PHF10: variants seen among roughly 807,000 people sequenced by gnomAD.
PHF10 encodes PHD finger protein 10, also known as BRG1-associated factor 45a.
In PHF10, 51 loss-of-function variants were observed where a neutral mutation model predicts 68.5. That is an observed-to-expected ratio of 0.74 (90% CI 0.59 to 0.94). The LOEUF (loss-of-function observed/expected upper bound fraction) is 0.94. Among genes scored for constraint, PHF10 ranks in the 40% least tolerant of loss-of-function variants. The probability of loss-of-function intolerance (pLI) is 0.00; values close to 1 mark genes in which losing one functional copy is unlikely to be tolerated. For missense variants in PHF10, 460 were observed against 602.6 expected (o/e 0.76, Z 2.48); for synonymous variants, 204 against 203.5 (o/e 1.00, Z -0.02).
chr6:169,705,057 C>A, intron 11 of PHF10, 76 bp downstream of exon 11: 1 of 1,092,842 alleles, frequency 9.2e-7, no homozygotes, highest in South Asian at 1.7e-5. Flanking sequence ...GTCATGATAG[C>A]GTTTATGCAG....
chr6:169,719,072 T>C (rs997847452), intron 2 of PHF10, 154 bp from the exon 3 acceptor site: 4 of 548,354 alleles, frequency 7.3e-6, no homozygotes, highest in African/African-American at 5.7e-5. Flanking sequence ...ACAAAACAGG[T>C]ACAAGGAATA....
intron 7 of PHF10, among the ~76,000 whole-genome samples, chr6:169,713,469 G>A (rs1372049854): frequency 6.6e-6 from 1 of 151,676 alleles, no homozygotes; most frequent in African/African-American, 2.4e-5. Context: ...GCAAGGTGGC[G>A]GGCACCTGTA....
chr6:169,705,950 T>C (rs1047112312), intron 9 of PHF10, among the ~76,000 whole-genome samples: 7 of 152,170 alleles, frequency 4.6e-5, no homozygotes, highest in African/African-American at 1.4e-4. Context: ...CTCGTAAGAT[T>C]AAATGTAGCA....
Position 169,718,849 on chromosome 6 carries a change from A to G in PHF10, c.264T>C (p.Tyr88=), listed in dbSNP as rs557776005. 5.6e-6 allele frequency: 9 copies of G among 1,598,482 alleles called. No individual in the cohort carries two copies. The South Asian group carries it at 6.6e-5, about 12-fold the overall frequency. The stretch of plus-strand genomic sequence containing the variant: ...ATTCACTGACTTGTTCTTGAAGCAT[A>G]TAGTATTCTCCTGTTTCATCAGGTG... The part of the protein sequence containing the change: ...KWPPDETGEY[Y]MLQEQVSEYL... The change falls in exon 3 of 12, where the codon TAT becomes TAC. Residue 88 remains tyrosine, a synonymous_variant. Transcript: ENST00000339209.
chr6:169,712,310 G>A, intron 8 of PHF10, 76 bp downstream of exon 8: 1 of 1,198,020 alleles, frequency 8.3e-7, no homozygotes, highest in African/African-American at 1.5e-5. Flanking sequence ...TCAAGGAGAG[G>A]GTGATGACAG....
intron 8 of PHF10, 122 bp downstream of exon 8, chr6:169,712,264 G>T: frequency 2.3e-6 from 2 of 878,438 alleles, no homozygotes; most frequent in South Asian, 2.9e-5. Flanking sequence ...TTTTATTGAT[G>T]AATACTTTCT....
chr6:169,723,795 C>A (rs1231850082), intron 1 of PHF10, 50 bp downstream of exon 1: 3 of 611,406 alleles, frequency 4.9e-6, no homozygotes, highest in Non-Finnish European at 6.6e-6. Flanking sequence ...CGCCCCGGCA[C>A]CCAGGCCCGG....
At chr6:169,707,413 A>G (rs966834664) in intron 9 of PHF10, 2 of 152,232 alleles carry the variant, frequency 1.3e-5, no homozygotes, top group African/African-American at 4.8e-5. Context: ...CATAATATAC[A>G]GCAGAATGCT....
At chr6:169,711,205 T>A (rs1446705880) in intron 8 of PHF10, among the ~76,000 whole-genome samples, 1 of 152,162 alleles carries the variant, frequency 6.6e-6, no homozygotes, top group Admixed American at 6.5e-5. Flanking sequence ...TTTTTTAAAA[T>A]ACAAAACTGG....
Position 169,705,599 on chromosome 6 carries a change from GAC to G in PHF10, c.1222+15_1222+16del, listed in dbSNP as rs1479780066. 1.7e-6 allele frequency: 2 copies of G among 1,212,040 alleles called. No individual in the cohort carries two copies. The highest frequency in any genetic ancestry group is 3.0e-5 in the African/African-American group (2 of 67,030). 75.1% of individuals were successfully genotyped at this position (1,212,040 alleles called of 1,614,324 possible). On this transcript the variant is annotated intron_variant, in intron 10 of 11. Transcript: ENST00000339209. Reference sequence around the variant, plus strand: ...AATACGGTGGTTAAAATTTTAAAAAGACATTTCAATACTTACCACTATTCTCA... The same window carrying G: ...AATACGGTGGTTAAAATTTTAAAAAGATTTCAATACTTACCACTATTCTCA...
At chr6:169,720,903 T>C in intron 2 of PHF10, 102 bp downstream of exon 2, 1 of 637,308 alleles carries the variant, frequency 1.6e-6, no homozygotes. Context: ...TATTCTACAA[T>C]TTTTAATAAT....
chr6:169,705,215 GT>G lies in PHF10; in HGVS notation c.1328del (p.His443ProfsTer6). 1 of 1,613,724 alleles carries G rather than the reference GT, an allele frequency of 6.2e-7. No individual in the cohort carries two copies. The highest frequency in any genetic ancestry group is 8.5e-7 in the Non-Finnish European group (1 of 1,179,734). On this transcript the variant is annotated frameshift_variant, in exon 11 of 12. Coordinates refer to ENST00000339209, the MANE Select transcript of PHF10 (RefSeq NM_018288.4). LOFTEE classifies it high-confidence loss of function. ...CKTCIICGQPHHEEEMMFCDM... is the reference protein window; with the variant it reads ...CKTCIICGQPXHEEEMMFCDM... ...CACAGAACATCATTTCTTCTTCATGGTGGGGTTGTCCACATATAATGCATGT... is the reference window on the plus strand; with the variant it reads ...CACAGAACATCATTTCTTCTTCATGGGGGGTTGTCCACATATAATGCATGT...
intron 3 of PHF10, 118 bp downstream of exon 3, chr6:169,718,669 TA>T (rs548658132): frequency 3.2e-4 from 202 of 631,984 alleles, no homozygotes; most frequent in Middle Eastern, 1.8e-3. Context: ...CCCTTAGTCT[TA>T]AAAAAAAACA....
At chr6:169,704,404 C>T (rs1022618133) in intron 11 of PHF10, 16 of 296,806 alleles carry the variant, frequency 5.4e-5, no homozygotes, top group African/African-American at 6.5e-5. Flanking sequence ...AAACCCATTC[C>T]GGAATTTGGC....
intron 4 of PHF10, among the ~76,000 whole-genome samples, chr6:169,717,137 A>C (rs1331151109): frequency 1.3e-5 from 2 of 152,130 alleles, no homozygotes; most frequent in Non-Finnish European, 2.9e-5. Context: ...CTGTAGTACC[A>C]GCTACTCGGT....
chr6:169,723,323 G>A (rs1363515054), intron 1 of PHF10, among the ~76,000 whole-genome samples: 1 of 152,162 alleles, frequency 6.6e-6, no homozygotes, highest in African/African-American at 2.4e-5. Flanking sequence ...TCCTCAAGCA[G>A]TAAAAAGTTT....
At chr6:169,718,452 A>AT (rs1316616693) in intron 3 of PHF10, among the ~76,000 whole-genome samples, 2 of 152,176 alleles carry the variant, frequency 1.3e-5, no homozygotes, top group Non-Finnish European at 2.9e-5. Flanking sequence ...GCTTGAAGCC[A>AT]TGAGTTTGAG....
At chr6:169,711,813 A>G (rs535254552) in intron 8 of PHF10, among the ~76,000 whole-genome samples, 2 of 152,324 alleles carry the variant, frequency 1.3e-5, no homozygotes, top group East Asian at 1.9e-4. Context: ...ACACAATGCT[A>G]AAGAAATTCA....
In PHF10 at chr6:169,710,328, G is replaced by A; in HGVS notation, c.1021C>T (p.Gln341Ter). The change falls in exon 9 of 12, where the codon CAG (glutamine) becomes TAG (stop). Residue 341 changes from glutamine (Q) to a stop codon, truncating the protein, a stop_gained. Coordinates refer to ENST00000339209, the MANE Select transcript of PHF10 (RefSeq NM_018288.4). LOFTEE classifies it high-confidence loss of function. ...TTGTCTTTTGATTTCTGTCTTCCCT[G>A]GAAAGAGTCCTCCTGGCTGTCAGGA... ...SPPDSQEDSF[Q>*]GRQKSKDKAA... 6.2e-7 allele frequency: 1 copy of A among 1,611,604 alleles called. No individual in the cohort carries two copies. Among genetic ancestry groups the A allele is most frequent in the East Asian group, 2.2e-5 (1 of 44,850 alleles).
Sources: gnomAD v4.1 joint callset for allele counts (sites outside exome capture counted in the v4.1 genomes callset) on GRCh38, gnomAD v4.1.1 for gene constraint, MANE v1.5 for transcripts, NCBI Gene and HGNC (gene_info 2026-07-23, HGNC 2026-07-21) for gene names.